The following RASGRF1 variants were observed in gnomAD, a reference collection of about 807,000 sequenced individuals.
RASGRF1 encodes Ras protein specific guanine nucleotide releasing factor 1, also known as ras-specific guanine nucleotide-releasing factor 1.
A neutral mutation model predicts 138.7 loss-of-function variants in RASGRF1; 40 were observed. The ratio of observed to expected loss-of-function variants is 0.29; its 90% CI spans 0.22 to 0.38. RASGRF1 has a LOEUF of 0.38. Ranked by LOEUF, RASGRF1 falls within the 10% of genes least tolerant of loss-of-function variation. The pLI is 1.00. For synonymous variants in RASGRF1, 614 were observed against 663.2 expected (o/e 0.93, Z 1.14); for missense variants, 1,108 against 1,650.4 (o/e 0.67, Z 5.69).
intron 1 of RASGRF1, among the ~76,000 whole-genome samples, chr15:79,078,187 C>T (rs2141094739): frequency 1.2e-5 from 1 of 86,268 alleles, no homozygotes; most frequent in Middle Eastern, 0.011. Flanking sequence ...TTGCCCTGGC[C>T]CAGGGTCCAT....
chr15:79,047,119 T>G (rs2057364946), intron 4 of RASGRF1, 120 bp from the exon 5 acceptor site: 1 of 1,286,014 alleles, frequency 7.8e-7, no homozygotes, highest in Admixed American at 2.4e-5. Context: ...ACGCCGGGCA[T>G]GTAGCAAAAA....
chr15:78,996,818 T>C (rs2056404121), intron 19 of RASGRF1, among the ~76,000 whole-genome samples: 1 of 152,200 alleles, frequency 6.6e-6, no homozygotes. Context: ...ATTTTAGGAC[T>C]GTGAGCCTGA....
At chr15:79,017,696 G>T in intron 12 of RASGRF1, 74 bp downstream of exon 12, 16 of 1,455,194 alleles carry the variant, frequency 1.1e-5, no homozygotes, top group South Asian at 1.4e-5. Context: ...CCCCCTACCT[G>T]CCACCAGCCA....
intron 2 of RASGRF1, among the ~76,000 whole-genome samples, chr15:79,062,603 T>C (rs551281055): frequency 1.0e-3 from 156 of 152,246 alleles, no homozygotes; most frequent in African/African-American, 3.6e-3. Context: ...GGCGCGATCT[T>C]GGCTCACTGC....
At chr15:78,970,452 T>C (rs144341899) in intron 26 of RASGRF1, among the ~76,000 whole-genome samples, 104 of 151,916 alleles carry the variant, frequency 6.8e-4, no homozygotes, top group African/African-American at 2.5e-3. Context: ...ACTAGTCCAA[T>C]TACATAACCT....
intron 10 of RASGRF1, among the ~76,000 whole-genome samples, chr15:79,021,095 G>A (rs952105728): frequency 5.9e-5 from 9 of 152,152 alleles, no homozygotes; most frequent in Non-Finnish European, 1.0e-4. Context: ...TTGAACCTTC[G>A]GAACACTGCA....
intron 4 of RASGRF1, among the ~76,000 whole-genome samples, chr15:79,048,564 T>C (rs1051035266): frequency 6.6e-6 from 1 of 152,220 alleles, no homozygotes; most frequent in African/African-American, 2.4e-5. Context: ...TAAAATAATG[T>C]CTGGCACATA....
At chr15:79,068,756 A>G (rs2057715237) in intron 1 of RASGRF1, among the ~76,000 whole-genome samples, 1 of 151,960 alleles carries the variant, frequency 6.6e-6, no homozygotes, top group Non-Finnish European at 1.5e-5. Flanking sequence ...AATCTCTCCC[A>G]TAGCTCTCAG....
At chr15:78,972,829 T>C (rs1486186243) in intron 25 of RASGRF1, among the ~76,000 whole-genome samples, 2 of 152,156 alleles carry the variant, frequency 1.3e-5, no homozygotes, top group Non-Finnish European at 2.9e-5. Context: ...AACTGGAAAC[T>C]TACTCTTTTA....
intron 26 of RASGRF1, among the ~76,000 whole-genome samples, chr15:78,966,043 G>A (rs1232983470): frequency 6.6e-6 from 1 of 152,050 alleles, no homozygotes; most frequent in Admixed American, 6.5e-5. Flanking sequence ...GCAGGCTCTG[G>A]CTTGCTGCTG....
At chr15:79,005,603 CAA>C (rs2056653210) in intron 14 of RASGRF1, 1 of 986,296 alleles carries the variant, frequency 1.0e-6, no homozygotes, top group South Asian at 4.7e-5. Flanking sequence ...TTTTGAGAAG[CAA>C]AGGCTAAGGT....
chr15:79,016,391 C>T (rs1213854394), intron 12 of RASGRF1, among the ~76,000 whole-genome samples: 1 of 152,256 alleles, frequency 6.6e-6, no homozygotes, highest in Admixed American at 6.5e-5. Context: ...ATCTGACAAT[C>T]TCTCTAGCTT....
chr15:79,071,531 T>G (rs1052992296), intron 1 of RASGRF1, among the ~76,000 whole-genome samples: 4 of 151,750 alleles, frequency 2.6e-5, no homozygotes, highest in African/African-American at 9.7e-5. Flanking sequence ...GGCTAATTTT[T>G]TTTTTTTTTT....
rs113127557 is a variant in RASGRF1 at position 79,027,399 on chromosome 15, T to C, written c.1381+342A>G. Among the ~76,000 whole-genome samples, 9 of 152,262 alleles carry C rather than the reference T, an allele frequency of 5.9e-5. No homozygotes were observed. The highest frequency in any genetic ancestry group is 2.2e-4 in the African/African-American group (9 of 41,548). On this transcript the variant is annotated intron_variant, in intron 9 of 26. Transcript: ENST00000558480. The surrounding 1 kb of genome is among the most constrained non-coding windows in gnomAD (Gnocchi z 4.8). ...GCTTCTGACTCACAGAGACAACTGT[T>C]AGCTCCTCATCCCCCGCCCCATACT...
chr15:79,084,694 C>T (rs2057956722), intron 1 of RASGRF1, among the ~76,000 whole-genome samples: 1 of 152,128 alleles, frequency 6.6e-6, no homozygotes, highest in Admixed American at 6.5e-5. Context: ...CCTTTTCTGC[C>T]CTTGGGCTTC....
chr15:78,969,650 C>G (rs913849186), intron 26 of RASGRF1, among the ~76,000 whole-genome samples: 21 of 152,102 alleles, frequency 1.4e-4, no homozygotes. Context: ...GCCTGGGTGA[C>G]AGAGTAAGAC....
chr15:79,086,580 C>A (rs1028688402), intron 1 of RASGRF1, among the ~76,000 whole-genome samples: 2 of 151,466 alleles, frequency 1.3e-5, no homozygotes, highest in Non-Finnish European at 3.0e-5. Context: ...CTAAGACCCC[C>A]CCCCCCCAGC....
chr15:78,970,663 GA>G (rs936971962), intron 26 of RASGRF1, among the ~76,000 whole-genome samples: 4 of 136,612 alleles, frequency 2.9e-5, no homozygotes, highest in African/African-American at 1.1e-4. Flanking sequence ...AAAAAGAAAA[GA>G]AAAGTCATAG....
chr15:79,041,618 T>C (rs1022529404), intron 5 of RASGRF1, among the ~76,000 whole-genome samples: 3 of 152,144 alleles, frequency 2.0e-5, no homozygotes, highest in Admixed American at 6.5e-5. Flanking sequence ...GTAGGAAGAA[T>C]GTTCCAGCCA....
Sources: allele counts gnomAD v4.1 joint callset (sites outside exome capture counted in the v4.1 genomes callset), GRCh38; gene constraint gnomAD v4.1.1; non-coding constraint Gnocchi (gnomAD v3.1); transcripts MANE v1.5; gene names NCBI Gene and HGNC (gene_info 2026-07-23, HGNC 2026-07-21).